The following LAMA4 variants were observed in gnomAD, a reference collection of about 807,000 sequenced individuals.
The protein encoded by LAMA4 is laminin subunit alpha-4.
In LAMA4, 127 loss-of-function variants were observed where a neutral mutation model predicts 207.1. That is an observed-to-expected ratio of 0.61 (90% CI 0.53 to 0.71). The LOEUF is 0.71. Ranked by LOEUF, LAMA4 falls within the 30% of genes least tolerant of loss-of-function variation. LAMA4 has a pLI of 0.00. For missense variants in LAMA4, 2,093 were observed against 2,246.5 expected (o/e 0.93, Z 1.38); for synonymous variants, 761 against 816.0 (o/e 0.93, Z 1.15).
At chr6:112,157,367 G>T (rs1268686888) in intron 14 of LAMA4, among the ~76,000 whole-genome samples, 1 of 152,140 alleles carries the variant, frequency 6.6e-6, no homozygotes, top group Non-Finnish European at 1.5e-5. Context: ...AATTAAACAT[G>T]TGCTATTGAA....
At chr6:112,120,562 TAAAC>T in intron 32 of LAMA4, 90 bp from the exon 33 acceptor site, 2 of 992,574 alleles carry the variant, frequency 2.0e-6, no homozygotes, top group Non-Finnish European at 3.1e-6. Flanking sequence ...TAAGGAAGAA[TAAAC>T]AAGTAGCCAT....
chr6:112,190,944 T>TTCC lies in LAMA4; in HGVS notation c.718+691_718+692insGGA, dbSNP rs1562714768. ...CTTTCTTTCTTTCTTTCTTTCTTTCTTTCCTTTCTTTCTTTCTTTCTTTCT... is the reference window on the plus strand; with the variant it reads ...CTTTCTTTCTTTCTTTCTTTCTTTCTTCCTTCCTTTCTTTCTTTCTTTCTTTCT... On this transcript the variant is annotated intron_variant, in intron 6 of 38. Coordinates refer to ENST00000230538, the MANE Select transcript of LAMA4 (RefSeq NM_001105206.3). Among the ~76,000 whole-genome samples the TTCC allele has an allele frequency of 1.9e-3, 81 of 41,640 alleles. 1 individual carries two copies. The highest frequency in any genetic ancestry group is 7.5e-3 in the African/African-American group (79 of 10,494). The allele number at this position is 41,640 out of a possible 152,430, so 27.3% of individuals were successfully genotyped here.
At chr6:112,207,537 C>CCAACCAACCAACCAACCAAA (rs562898394) in intron 3 of LAMA4, among the ~76,000 whole-genome samples, 1,815 of 151,070 alleles carry the variant, frequency 0.012, 38 homozygotes, top group African/African-American at 0.042. Context: ...AACCAACCAA[C>CCAACCAACCAACCAACCAAA]CAAACAAACA....
Position 112,191,850 on chromosome 6 carries a change from T to C in LAMA4, c.504A>G (p.Arg168=), listed in dbSNP as rs782598836. 3.7e-6 allele frequency: 6 copies of C among 1,605,630 alleles called. No homozygotes were observed. The highest frequency in any genetic ancestry group is 5.1e-6 in the Non-Finnish European group (6 of 1,172,604). The change falls in exon 6 of 39, where the codon AGA becomes AGG. Residue 168 remains arginine, a splice_region_variant and synonymous_variant. Coordinates refer to ENST00000230538, the MANE Select transcript of LAMA4 (RefSeq NM_001105206.3). The part of the protein sequence containing the change: ...NENYAGPNCE[R]CAPGYYGNPL... Reference sequence around the variant, plus strand: ...GGTTTCCATAGTAACCGGGAGCACATCTGAAGAGGAATATCACACATTTAA... The same window carrying C: ...GGTTTCCATAGTAACCGGGAGCACACCTGAAGAGGAATATCACACATTTAA...
intron 9 of LAMA4, among the ~76,000 whole-genome samples, chr6:112,183,471 C>A (rs1264957868): frequency 6.6e-6 from 1 of 152,062 alleles, no homozygotes; most frequent in Admixed American, 6.6e-5. Flanking sequence ...TGTCCGGGAG[C>A]CTTTTCTACT....
At chr6:112,128,542 A>T (rs1778836558) in intron 31 of LAMA4, among the ~76,000 whole-genome samples, 1 of 152,196 alleles carries the variant, frequency 6.6e-6, no homozygotes, top group Non-Finnish European at 1.5e-5. Flanking sequence ...AGTTAACAAT[A>T]ACTTATTGTA....
intron 13 of LAMA4, among the ~76,000 whole-genome samples, chr6:112,162,509 TAGAA>T (rs1366766465): frequency 6.6e-5 from 10 of 151,314 alleles, no homozygotes; most frequent in Non-Finnish European, 8.8e-5. Flanking sequence ...TAAAATAAAA[TAGAA>T]AGAAAGAAAT....
At position 112,117,315 on chromosome 6, in the gene LAMA4, A is replaced by C. The variant is rs1778077298; in HGVS notation, c.4981+424T>G. Among the ~76,000 whole-genome samples the C allele has an allele frequency of 5.9e-5, 9 of 152,178 alleles. No homozygotes were observed. The highest frequency in any genetic ancestry group is 5.2e-4 in the Admixed American group (8 of 15,262). ...GGAGAATAATAAAAAGCCAGAAATAAAAATTTCTGAAGGATAACGTTGTCT... is the reference window on the plus strand; with the variant it reads ...GGAGAATAATAAAAAGCCAGAAATACAAATTTCTGAAGGATAACGTTGTCT... On this transcript the variant is annotated intron_variant, in intron 35 of 38. Transcript: ENST00000230538. This position sits in a 1 kb window ranked among gnomAD's most constrained non-coding sequence, Gnocchi z 4.5.
At chr6:112,150,368 G>T in intron 17 of LAMA4, 143 bp downstream of exon 17, 2 of 742,648 alleles carry the variant, frequency 2.7e-6, no homozygotes, top group Admixed American at 1.9e-5. Context: ...ACTTTTTTTT[G>T]TGATGAACGT....
intron 3 of LAMA4, among the ~76,000 whole-genome samples, chr6:112,208,899 A>C (rs1784215708): frequency 6.6e-6 from 1 of 152,204 alleles, no homozygotes; most frequent in Non-Finnish European, 1.5e-5. Flanking sequence ...AACTCTGAAA[A>C]ATAAAGTATG....
At chr6:112,159,568 T>G (rs1325565443) in intron 13 of LAMA4, 1 of 153,044 alleles carries the variant, frequency 6.5e-6, no homozygotes, top group African/African-American at 2.4e-5. Flanking sequence ...CAAAGAGATT[T>G]GTTCTCCTAG....
At chr6:112,174,746 C>T (rs1490911922) in intron 11 of LAMA4, among the ~76,000 whole-genome samples, 1 of 152,252 alleles carries the variant, frequency 6.6e-6, no homozygotes, top group Non-Finnish European at 1.5e-5. Flanking sequence ...CCACCTTGGC[C>T]TCCCAAAGTG....
At position 112,136,238 on chromosome 6, in the gene LAMA4, A is replaced by T; in HGVS notation, c.3299T>A (p.Leu1100Gln). 6.2e-7 allele frequency: 1 copy of T among 1,611,430 alleles called. No homozygotes were observed. Among genetic ancestry groups the T allele is most frequent in the Non-Finnish European group, 8.5e-7 (1 of 1,177,900 alleles). Reference sequence around the variant, plus strand: ...ATGTAGGTAACCATTGCGCATTTCCAGTCTGAAAAACATACTCTGAGGAGA... The same window carrying T: ...ATGTAGGTAACCATTGCGCATTTCCTGTCTGAAAAACATACTCTGAGGAGA... ...LMVNGSMFFR[L>Q]EMRNGYLHVF... Residue 1100 changes from leucine to glutamine, a missense_variant, in exon 25 of 39, where the codon CTG becomes CAG. Physicochemically the swap from Leu to Gln is moderately radical, Grantham distance 113. Transcript: ENST00000230538.
chr6:112,198,336 A>T (rs1328365450), intron 5 of LAMA4, among the ~76,000 whole-genome samples: 2 of 152,232 alleles, frequency 1.3e-5, no homozygotes, highest in African/African-American at 4.8e-5. Flanking sequence ...GGTTTGGACT[A>T]ATTATTACCT....
rs1179817679 is a variant in LAMA4, at chr6:112,253,637, A to ACTACTGGCT, written c.195+318_195+319insAGCCAGTAG. 3 of 1,068,734 alleles carry ACTACTGGCT rather than the reference A, an allele frequency of 2.8e-6. No individual in the cohort carries two copies. The African/African-American group carries it at 4.6e-5, about 17-fold the overall frequency. The allele number at this position is 1,068,734 out of a possible 1,614,324, so 66.2% of individuals were successfully genotyped here. A position where few individuals can be genotyped will look rare whatever the true frequency, so the allele number is the denominator to read the frequency against. The stretch of plus-strand genomic sequence containing the variant: ...GTGGCTTGACAAAATGACTACTGGG[A>ACTACTGGCT]CACGCAAGTGGCAGAAGTCACCGAT... On this transcript the variant is annotated intron_variant, in intron 2 of 38. Transcript: ENST00000230538.
chr6:112,178,092 T>C, intron 10 of LAMA4, 29 bp downstream of exon 10: 1 of 1,470,282 alleles, frequency 6.8e-7, no homozygotes, highest in Middle Eastern at 1.7e-4. Context: ...TCCTTGATAT[T>C]AAACTGAACC....
At chr6:112,120,087 G>A (rs1778258737) in intron 33 of LAMA4, among the ~76,000 whole-genome samples, 196 bp downstream of exon 33, 1 of 152,242 alleles carries the variant, frequency 6.6e-6, no homozygotes, top group South Asian at 2.1e-4. Context: ...AAATAATTAC[G>A]CTCAGCCTGT....
In LAMA4 at chr6:112,154,319, C is replaced by T. The variant is rs370093186; in HGVS notation, c.2056+532G>A. 9.1e-5 allele frequency among the ~76,000 whole-genome samples: 13 copies of T among 143,492 alleles called. No individual in the cohort carries two copies. In the East Asian group the frequency reaches 2.5e-3, roughly 27 times the overall value. 94.1% of individuals were successfully genotyped at this position (143,492 alleles called of 152,430 possible). ...GCTTCTTACCATATGCTTGTTAGGTCTGTCCTAAATACAGTAACCTATGTA... is the reference window on the plus strand; with the variant it reads ...GCTTCTTACCATATGCTTGTTAGGTTTGTCCTAAATACAGTAACCTATGTA... On this transcript the variant is annotated intron_variant, in intron 16 of 38. Transcript: ENST00000230538.
chr6:112,124,782 GT>G (rs1247697225), intron 31 of LAMA4, among the ~76,000 whole-genome samples: 2 of 146,454 alleles, frequency 1.4e-5, no homozygotes, highest in Non-Finnish European at 3.0e-5. Context: ...TTTTGAGACA[GT>G]TTTGCTCTTG....
Sources: allele counts gnomAD v4.1 joint callset (sites outside exome capture counted in the v4.1 genomes callset), GRCh38; gene constraint gnomAD v4.1.1; non-coding constraint Gnocchi (gnomAD v3.1); transcripts MANE v1.5; gene names NCBI Gene and HGNC (gene_info 2026-07-23, HGNC 2026-07-21).